SRBD1: variants seen among roughly 807,000 people sequenced by gnomAD.
The protein encoded by SRBD1 is S1 RNA-binding domain-containing protein 1.
In SRBD1, 88 loss-of-function variants were observed where a neutral mutation model predicts 115.3. The observed-to-expected ratio is 0.76, with a 90% CI of 0.64 to 0.91. SRBD1 has a LOEUF of 0.91. Ranked by LOEUF, SRBD1 falls within the 40% of genes least tolerant of loss-of-function variation. SRBD1 has a pLI of 0.00. For synonymous variants in SRBD1, 509 were observed against 407.7 expected (o/e 1.25, Z -2.99); for missense variants, 1,385 against 1,177.4 (o/e 1.18, Z -2.58).
At chr2:45,439,975 G>A (rs1436907398) in intron 16 of SRBD1, among the ~76,000 whole-genome samples, 2 of 152,056 alleles carry the variant, frequency 1.3e-5, no homozygotes, top group Non-Finnish European at 2.9e-5. Flanking sequence ...GATAGCAGAT[G>A]TCCTCCCCAG....
At chr2:45,500,983 C>T (rs1670614106) in intron 14 of SRBD1, among the ~76,000 whole-genome samples, 1 of 152,132 alleles carries the variant, frequency 6.6e-6, no homozygotes, top group Non-Finnish European at 1.5e-5. Context: ...GAAAGGCTTT[C>T]AGTTTTTCCC....
intron 9 of SRBD1, among the ~76,000 whole-genome samples, chr2:45,568,325 C>T (rs1353861665): frequency 6.6e-6 from 1 of 152,180 alleles, no homozygotes; most frequent in Non-Finnish European, 1.5e-5. Flanking sequence ...CTTCACCACA[C>T]TGTCTTTCAT....
At chr2:45,523,647 T>C (rs549994343) in intron 14 of SRBD1, among the ~76,000 whole-genome samples, 5 of 151,040 alleles carry the variant, frequency 3.3e-5, no homozygotes, top group Non-Finnish European at 5.9e-5. Context: ...CAAAAAGAAA[T>C]AGACAATCTG....
intron 16 of SRBD1, among the ~76,000 whole-genome samples, chr2:45,428,596 AAAT>A (rs1360661779): frequency 6.6e-6 from 1 of 151,994 alleles, no homozygotes; most frequent in African/African-American, 2.4e-5. Flanking sequence ...ATAAATAAAT[AAAT>A]AAGTTCTTTG....
chr2:45,521,982 A>G (rs1298913070), intron 14 of SRBD1, among the ~76,000 whole-genome samples: 1 of 152,012 alleles, frequency 6.6e-6, no homozygotes, highest in African/African-American at 2.4e-5. Context: ...AAAAAGAAAG[A>G]AAGAAAGAAA....
At chr2:45,530,722 G>C (rs769994854) in intron 14 of SRBD1, among the ~76,000 whole-genome samples, 15 of 151,846 alleles carry the variant, frequency 9.9e-5, no homozygotes, top group Non-Finnish European at 1.8e-4. Context: ...CCAGTTCCTA[G>C]TATCAGTCTC....
At chr2:45,605,046 G>A (rs71422163) in intron 2 of SRBD1, among the ~76,000 whole-genome samples, 3,861 of 152,292 alleles carry the variant, frequency 0.025, 127 homozygotes, top group Admixed American at 0.085. Flanking sequence ...TGCACACAAT[G>A]TCAGTAGTGC....
At chr2:45,542,498 C>T (rs979024897) in intron 14 of SRBD1, among the ~76,000 whole-genome samples, 1 of 152,184 alleles carries the variant, frequency 6.6e-6, no homozygotes, top group Non-Finnish European at 1.5e-5. Context: ...AGCATGCAAC[C>T]CAAGCCACAA....
At chr2:45,570,581 G>A (rs1672975413) in intron 9 of SRBD1, among the ~76,000 whole-genome samples, 1 of 152,088 alleles carries the variant, frequency 6.6e-6, no homozygotes, top group Non-Finnish European at 1.5e-5. Context: ...AGCAAAAACT[G>A]TCAGAATTAA....
intron 14 of SRBD1, among the ~76,000 whole-genome samples, chr2:45,542,397 G>A (rs1016185602): frequency 3.9e-5 from 6 of 152,230 alleles, no homozygotes; most frequent in African/African-American, 1.4e-4. Flanking sequence ...CAGGTCCAGA[G>A]CTGTAGCTGG....
chr2:45,445,484 G>C (rs1181929950), intron 16 of SRBD1, among the ~76,000 whole-genome samples: 1 of 144,234 alleles, frequency 6.9e-6, no homozygotes, highest in East Asian at 2.1e-4. Flanking sequence ...ACATAGGTTA[G>C]GGGTCACAAT....
chr2:45,595,476 TA>T (rs1673866091), intron 4 of SRBD1, among the ~76,000 whole-genome samples: 2 of 152,248 alleles, frequency 1.3e-5, no homozygotes, highest in African/African-American at 2.4e-5. Context: ...TTGTGGCAGA[TA>T]ATATGCATGT....
Position 45,466,860 on chromosome 2 carries a change from C to T in SRBD1, c.2049+10133G>A, listed in dbSNP as rs1447604064. ...GATTCAACAGGCCTGAGGGAGGGCC[C>T]AGGAGACTTTCAGCAGGGTCTCTTG... is the stretch of plus-strand genomic sequence containing the variant. On this transcript the variant is annotated intron_variant, in intron 16 of 20. Coordinates refer to ENST00000263736, the MANE Select transcript of SRBD1 (RefSeq NM_018079.5). Among the ~76,000 whole-genome samples the T allele has an allele frequency of 3.3e-5, 5 of 152,244 alleles. No homozygotes were observed. In the East Asian group the frequency reaches 9.6e-4, roughly 29 times the overall value.
intron 14 of SRBD1, among the ~76,000 whole-genome samples, chr2:45,490,248 G>A (rs1243148793): frequency 6.6e-6 from 1 of 152,050 alleles, no homozygotes; most frequent in East Asian, 1.9e-4. Flanking sequence ...CCATTATAGT[G>A]GCATTTCCTA....
At chr2:45,481,473 G>A (rs895161233) in intron 15 of SRBD1, among the ~76,000 whole-genome samples, 4 of 152,072 alleles carry the variant, frequency 2.6e-5, no homozygotes, top group African/African-American at 9.7e-5. Context: ...TAGGGAACGT[G>A]TACATTTTGA....
intron 10 of SRBD1, among the ~76,000 whole-genome samples, chr2:45,557,618 A>C (rs1672523675): frequency 6.6e-6 from 1 of 152,190 alleles, no homozygotes; most frequent in Non-Finnish European, 1.5e-5. Flanking sequence ...CATTTCCTAC[A>C]TTATAGAAAC....
chr2:45,496,617 A>G (rs1475478321), intron 14 of SRBD1, among the ~76,000 whole-genome samples: 2 of 152,170 alleles, frequency 1.3e-5, no homozygotes, highest in African/African-American at 4.8e-5. Context: ...ATATGCTTCT[A>G]TACTGTACTG....
intron 7 of SRBD1, among the ~76,000 whole-genome samples, chr2:45,579,669 CA>C (rs912193343): frequency 1.3e-5 from 2 of 151,738 alleles, no homozygotes; most frequent in African/African-American, 4.8e-5. Context: ...GAAAAACGGG[CA>C]AAAGACTAGA....
intron 18 of SRBD1, among the ~76,000 whole-genome samples, 167 bp from the exon 19 acceptor site, chr2:45,413,460 G>T (rs925258470): frequency 1.3e-5 from 2 of 152,046 alleles, no homozygotes; most frequent in Non-Finnish European, 2.9e-5. Flanking sequence ...TAAATCACTG[G>T]GAAAAGGGCT....
Sources: gnomAD v4.1 joint callset for allele counts (sites outside exome capture counted in the v4.1 genomes callset) on GRCh38, gnomAD v4.1.1 for gene constraint, MANE v1.5 for transcripts, NCBI Gene and HGNC (gene_info 2026-07-23, HGNC 2026-07-21) for gene names.